Variants in FBXO42 observed in about 807,000 individuals in gnomAD.
FBXO42 encodes F-box only protein 42.
Under a neutral mutation model 71.7 loss-of-function variants are expected in FBXO42, and 12 were observed. The observed-to-expected ratio is 0.17, with a 90% confidence interval of 0.11 to 0.27. The LOEUF is 0.27. FBXO42 is among the 10% of genes least tolerant of loss of function. FBXO42 has a pLI of 1.00. For synonymous variants in FBXO42, 325 were observed against 327.5 expected (o/e 0.99, Z 0.08); for missense variants, 707 against 911.9 (o/e 0.78, Z 2.89).
intron 3 of FBXO42, among the ~76,000 whole-genome samples, chr1:16,295,185 T>C (rs985563467): frequency 6.6e-6 from 1 of 152,156 alleles, no homozygotes; most frequent in Admixed American, 6.6e-5. Flanking sequence ...CAAGAACACA[T>C]AATAATTCAC....
At chr1:16,270,490 A>G (rs1325019958) in intron 4 of FBXO42, among the ~76,000 whole-genome samples, 1 of 152,048 alleles carries the variant, frequency 6.6e-6, no homozygotes, top group Non-Finnish European at 1.5e-5. Flanking sequence ...GAATTCATAA[A>G]TATAATCATG....
chr1:16,262,993 G>C lies in FBXO42; in HGVS notation c.503-6234C>G, dbSNP rs578090358. On this transcript the variant is annotated intron_variant, in intron 4 of 9. Transcript: ENST00000375592. The stretch of plus-strand genomic sequence containing the variant: ...CCCAAAGTGCTAGGATTACAGGCGT[G>C]AGCCACAACTTTGGTAATTTCTATA... Among the ~76,000 whole-genome samples the C allele has an allele frequency of 2.7e-3, 409 of 152,162 alleles. 2 individuals are homozygous for C. Among genetic ancestry groups the C allele is most frequent in the Non-Finnish European group, 4.9e-3 (336 of 67,994 alleles).
intron 4 of FBXO42, among the ~76,000 whole-genome samples, chr1:16,287,630 T>G (rs188009830): frequency 6.6e-6 from 1 of 152,312 alleles, no homozygotes; most frequent in Admixed American, 6.5e-5. Context: ...TCTTGCTATG[T>G]TGCTCAGGCT....
chr1:16,288,934 G>A (rs1006989957), intron 4 of FBXO42, among the ~76,000 whole-genome samples: 4 of 151,408 alleles, frequency 2.6e-5, no homozygotes, highest in African/African-American at 9.7e-5. Flanking sequence ...CTCCAGCCTG[G>A]GTGATAGAGT....
chr1:16,315,717 A>G (rs1001050807), intron 1 of FBXO42, among the ~76,000 whole-genome samples: 4 of 152,178 alleles, frequency 2.6e-5, no homozygotes, highest in Non-Finnish European at 5.9e-5. Flanking sequence ...TTGTTCTCCA[A>G]CAATTCTTCT....
At chr1:16,305,360 C>A (rs568586668) in intron 3 of FBXO42, among the ~76,000 whole-genome samples, 12 of 152,212 alleles carry the variant, frequency 7.9e-5, no homozygotes, top group Non-Finnish European at 1.6e-4. Context: ...CATATCACAG[C>A]CTGGGTGACA....
intron 4 of FBXO42, among the ~76,000 whole-genome samples, chr1:16,264,859 C>T (rs2081754050): frequency 1.3e-5 from 2 of 152,196 alleles, no homozygotes; most frequent in African/African-American, 2.4e-5. Context: ...AATAAAATTT[C>T]ACATATGATG....
At chr1:16,300,397 T>A (rs2082178792) in intron 3 of FBXO42, among the ~76,000 whole-genome samples, 1 of 152,216 alleles carries the variant, frequency 6.6e-6, no homozygotes, top group Non-Finnish European at 1.5e-5. Flanking sequence ...TCTGAATACT[T>A]CTCCACTATT....
At chr1:16,310,277 C>T (rs1262793193) in intron 2 of FBXO42, among the ~76,000 whole-genome samples, 1 of 151,652 alleles carries the variant, frequency 6.6e-6, no homozygotes, top group Non-Finnish European at 1.5e-5. Flanking sequence ...AGGAGAATTC[C>T]TTGAACCCAG....
chr1:16,266,243 T>C (rs2081771691), intron 4 of FBXO42, among the ~76,000 whole-genome samples: 2 of 145,606 alleles, frequency 1.4e-5, no homozygotes, highest in Admixed American at 1.3e-4. Flanking sequence ...TGTGTTAGGA[T>C]ATATTTAACT....
chr1:16,252,226 G>T lies in FBXO42; in HGVS notation c.1038+62C>A. 8.0e-7 allele frequency: 1 copy of T among 1,251,390 alleles called. No individual in the cohort carries two copies. Among genetic ancestry groups the T allele is most frequent in the Non-Finnish European group, 1.2e-6 (1 of 858,672 alleles). The allele number at this position is 1,251,390 out of a possible 1,614,324, so 77.5% of individuals were successfully genotyped here. A position where few individuals can be genotyped will look rare whatever the true frequency, so the allele number is the denominator to read the frequency against. On this transcript the variant is annotated intron_variant, in intron 9 of 9. Transcript: ENST00000375592. The surrounding 1 kb of genome is among the most constrained non-coding windows in gnomAD (Gnocchi z 4.4). ...ACAAATTTCTTTGTAACCTGACAAA[G>T]TAATGTGGTTTTCCACAATTTAGGA...
intron 4 of FBXO42, among the ~76,000 whole-genome samples, chr1:16,271,318 T>C (rs1257185845): frequency 2.0e-5 from 3 of 150,988 alleles, no homozygotes; most frequent in African/African-American, 7.3e-5. Context: ...TCTAACTCTG[T>C]TGCCCAGGCT....
rs374651148 is a variant in FBXO42, at chr1:16,315,282, G to C, written c.137C>G (p.Ser46Cys). The C allele has an allele frequency of 2.5e-6, 4 of 1,614,078 alleles. No individual in the cohort carries two copies. In the South Asian group the frequency reaches 4.4e-5, roughly 18 times the overall value. ...LEAEETRHNR[S>C]MSELPEEVLE... is the part of the protein sequence containing the mutation. ...AACCTCTTCTGGCAGCTCCGACATGGACCTATTATGTCTAGTCTCCTCAGC... is the reference window on the plus strand; with the variant it reads ...AACCTCTTCTGGCAGCTCCGACATGCACCTATTATGTCTAGTCTCCTCAGC... The change falls in exon 2 of 10, where the codon TCC becomes TGC. Residue 46 changes from serine to cysteine, a missense_variant. Coordinates refer to ENST00000375592, the MANE Select transcript of FBXO42 (RefSeq NM_018994.3).
intron 4 of FBXO42, among the ~76,000 whole-genome samples, chr1:16,273,002 A>G (rs1326153991): frequency 1.3e-5 from 2 of 152,188 alleles, no homozygotes; most frequent in Non-Finnish European, 2.9e-5. Flanking sequence ...TCAACCAAAG[A>G]ACCCTGACAA....
At position 16,331,826 on chromosome 1, in the gene FBXO42, A is replaced by G. The variant is rs939033092; in HGVS notation, c.-17-16391T>C. 2.6e-5 allele frequency among the ~76,000 whole-genome samples: 4 copies of G among 151,728 alleles called. 1 individual carries two copies. The highest frequency in any genetic ancestry group is 1.3e-4 in the Admixed American group (2 of 15,226). The stretch of plus-strand genomic sequence containing the variant: ...AGCACTTTGGGAGGCTGAGGCGCGC[A>G]GATCACCTGAGGTCAGGAGTTCGAG... On this transcript the variant is annotated intron_variant, in intron 1 of 9. Coordinates refer to ENST00000375592, the MANE Select transcript of FBXO42 (RefSeq NM_018994.3).
rs1187126952 is a variant in FBXO42 at position 16,260,891 on chromosome 1, T to TG, written c.503-4133dup. The stretch of plus-strand genomic sequence containing the variant: ...ATTTTTTTCTTTTTTTGGGTAGAGA[T>TG]GGGGGTCTCTCTGTGTTGCCCAGAC... On this transcript the variant is annotated intron_variant, in intron 4 of 9. Transcript: ENST00000375592. Among the ~76,000 whole-genome samples, 6 of 151,956 alleles carry TG rather than the reference T, an allele frequency of 3.9e-5. No homozygotes were observed. In the East Asian group the frequency reaches 1.2e-3, roughly 30 times the overall value.
At chr1:16,261,625 C>T (rs1217592263) in intron 4 of FBXO42, among the ~76,000 whole-genome samples, 1 of 152,114 alleles carries the variant, frequency 6.6e-6, no homozygotes, top group Non-Finnish European at 1.5e-5. Flanking sequence ...CATACAAGAA[C>T]AAATGAGGTG....
At position 16,249,132 on chromosome 1, in the gene FBXO42, C is replaced by A. The variant is rs1019183343; in HGVS notation, c.*1538G>T. ...ATTTCAAAACAAAACAAAGGCAAAA[C>A]AAAAATCCTCTTTCCACTGATGAGA... On this transcript the variant is annotated 3_prime_UTR_variant, in exon 10 of 10. Transcript: ENST00000375592. 6.6e-6 allele frequency: 1 copy of A among 152,266 alleles called. No homozygotes were observed. Among genetic ancestry groups the A allele is most frequent in the African/African-American group, 2.4e-5 (1 of 41,562 alleles). The allele number at this position is 152,266 out of a possible 1,614,324, so 9.4% of individuals were successfully genotyped here.
intron 4 of FBXO42, among the ~76,000 whole-genome samples, chr1:16,275,809 G>A (rs2100487308): frequency 6.6e-6 from 1 of 152,042 alleles, no homozygotes; most frequent in Non-Finnish European, 1.5e-5. Context: ...AGGAGTTGGA[G>A]ACCAGCCTGG....
Sources: gnomAD v4.1 joint callset for allele counts (sites outside exome capture counted in the v4.1 genomes callset) on GRCh38, gnomAD v4.1.1 for gene constraint, Gnocchi (gnomAD v3.1) non-coding constraint, MANE v1.5 for transcripts, NCBI Gene and HGNC (gene_info 2026-07-23, HGNC 2026-07-21) for gene names.